The following GPHN variants were observed in gnomAD, a reference collection of about 807,000 sequenced individuals.
GPHN encodes gephyrin.
In GPHN, 17 loss-of-function variants were observed where a neutral mutation model predicts 95.5. The observed-to-expected ratio is 0.18, with a 90% CI of 0.12 to 0.27. The LOEUF (loss-of-function observed/expected upper bound fraction) is 0.27. Ranked by LOEUF, GPHN falls within the 10% of genes least tolerant of loss-of-function variation. The pLI, the probability that GPHN is intolerant of heterozygous loss-of-function variation, is 1.00. For synonymous variants in GPHN, 320 were observed against 322.5 expected, an observed-to-expected ratio of 0.99 and a Z score of 0.08; for missense variants, 660 against 978.1, an observed-to-expected ratio of 0.67 and a Z score of 4.34.
chr14:67,338,883 TATTA>T, the GPHN span: 2 of 760,782 alleles, frequency 2.6e-6, no homozygotes, highest in Non-Finnish European at 3.9e-6. Flanking sequence ...CTGGTACTTT[TATTA>T]ATTTCATTTT....
intron 3 of GPHN, among the ~76,000 whole-genome samples, chr14:66,816,223 C>T (rs1383193390): frequency 2.0e-5 from 3 of 152,116 alleles, no homozygotes; most frequent in Non-Finnish European, 4.4e-5. Flanking sequence ...GTCTTTAACA[C>T]CCCACTGACA....
chr14:67,414,633 T>C, the GPHN span, among the ~76,000 whole-genome samples: 1 of 152,222 alleles, frequency 6.6e-6, no homozygotes, highest in Non-Finnish European at 1.5e-5. Context: ...TGCAGAAAAC[T>C]ATTAGGTCTG....
the GPHN span, chr14:67,569,602 G>T: frequency 2.2e-6 from 1 of 452,350 alleles, no homozygotes; most frequent in East Asian, 4.1e-5. Flanking sequence ...TCTCCACAAC[G>T]AGGGCTGTGG....
chr14:66,928,384 A>G (rs1351276322), intron 8 of GPHN, among the ~76,000 whole-genome samples: 1 of 151,750 alleles, frequency 6.6e-6, no homozygotes, highest in Admixed American at 6.6e-5. Flanking sequence ...CTCCTTTTTC[A>G]TCTCTGATTT....
chr14:67,722,203 C>T, the GPHN span, among the ~76,000 whole-genome samples: 3 of 152,128 alleles, frequency 2.0e-5, no homozygotes, highest in Non-Finnish European at 2.9e-5. Context: ...TTTTAATCCA[C>T]TCATATTTTA....
the GPHN span, chr14:67,692,463 T>C: frequency 6.2e-7 from 1 of 1,614,072 alleles, no homozygotes; most frequent in Non-Finnish European, 8.5e-7. Flanking sequence ...TAGCAAAAGC[T>C]CGAATAGACT....
intron 17 of GPHN, among the ~76,000 whole-genome samples, chr14:67,130,784 A>G (rs1010755290): frequency 6.6e-6 from 1 of 152,156 alleles, no homozygotes; most frequent in Admixed American, 6.5e-5. Context: ...CTTTTTAGTA[A>G]TAGCCATTTG....
At chr14:66,858,866 A>C (rs1029995868) in intron 4 of GPHN, among the ~76,000 whole-genome samples, 6 of 152,106 alleles carry the variant, frequency 3.9e-5, no homozygotes, top group African/African-American at 1.4e-4. Flanking sequence ...TTAGCCTGAC[A>C]GTACTCCCCT....
intron 4 of GPHN, among the ~76,000 whole-genome samples, chr14:66,838,302 A>G (rs969328841): frequency 2.0e-5 from 3 of 152,304 alleles, no homozygotes; most frequent in Middle Eastern, 3.4e-3. Context: ...GTTATCTACA[A>G]TATGTTTAGA....
At chr14:66,765,726 A>G (rs1158519286) in intron 2 of GPHN, among the ~76,000 whole-genome samples, 1 of 152,124 alleles carries the variant, frequency 6.6e-6, no homozygotes, top group Admixed American at 6.6e-5. Context: ...CAATTTACCT[A>G]TATGACAAAC....
intron 1 of GPHN, among the ~76,000 whole-genome samples, chr14:66,569,161 C>G (rs2060575594): frequency 6.6e-6 from 1 of 152,186 alleles, no homozygotes; most frequent in Non-Finnish European, 1.5e-5. Flanking sequence ...GAACTATTCT[C>G]CCTTAAGAAG....
chr14:67,006,198 G>C (rs1213847654), intron 9 of GPHN, among the ~76,000 whole-genome samples: 2 of 152,002 alleles, frequency 1.3e-5, no homozygotes, highest in African/African-American at 2.4e-5. Flanking sequence ...CATATTTTTG[G>C]ATTAATGTTT....
At chr14:67,303,921 C>T in the GPHN span, 1 of 236,818 alleles carries the variant, frequency 4.2e-6, no homozygotes, top group African/African-American at 2.3e-5. Context: ...GCGCATGCCA[C>T]CACACCCAGC....
At chr14:67,460,648 G>A in the GPHN span, among the ~76,000 whole-genome samples, 5 of 152,308 alleles carry the variant, frequency 3.3e-5, no homozygotes, top group East Asian at 7.7e-4. Context: ...AGGTTGTGGT[G>A]AGCCAAGATT....
intron 8 of GPHN, among the ~76,000 whole-genome samples, chr14:66,953,540 A>G (rs2068266374): frequency 6.6e-6 from 1 of 152,174 alleles, no homozygotes; most frequent in Non-Finnish European, 1.5e-5. Flanking sequence ...TCTTTTGCAT[A>G]TGGATATGCA....
intron 5 of GPHN, among the ~76,000 whole-genome samples, chr14:66,880,300 G>C (rs2063868223): frequency 6.6e-6 from 1 of 151,486 alleles, no homozygotes; most frequent in South Asian, 2.1e-4. Context: ...TTTTTCCAGA[G>C]TTAAGAGCTT....
intron 1 of GPHN, among the ~76,000 whole-genome samples, chr14:66,580,017 A>T (rs946712944): frequency 6.6e-6 from 1 of 151,874 alleles, no homozygotes; most frequent in African/African-American, 2.4e-5. Context: ...AGTGATATCA[A>T]GTATCTTTTT....
At chr14:67,380,671 T>G in the GPHN span, 1 of 1,557,166 alleles carries the variant, frequency 6.4e-7, no homozygotes. Flanking sequence ...ACCCATCTAT[T>G]TTGGATAGTT....
rs565350496 is a variant in GPHN at position 66,828,734 on chromosome 14, A to G, written c.294+4168A>G. On this transcript the variant is annotated intron_variant, in intron 4 of 22. Coordinates refer to ENST00000478722, the MANE Select transcript of GPHN (RefSeq NM_020806.5). ...CAATCCAAAGATTTTGTCAATGGGTATGAGCTCTAGATAAAATGAAAAATT... is the reference window on the plus strand; with the variant it reads ...CAATCCAAAGATTTTGTCAATGGGTGTGAGCTCTAGATAAAATGAAAAATT... Among the ~76,000 whole-genome samples, 10 of 152,284 alleles carry G rather than the reference A, an allele frequency of 6.6e-5. No homozygotes were observed. In the South Asian group the frequency reaches 1.7e-3, roughly 25 times the overall value.
Sources: gnomAD v4.1 joint callset for allele counts (sites outside exome capture counted in the v4.1 genomes callset) on GRCh38, gnomAD v4.1.1 for gene constraint, MANE v1.5 for transcripts, NCBI Gene and HGNC (gene_info 2026-07-23, HGNC 2026-07-21) for gene names.